LUC7L2: variants seen among roughly 807,000 people sequenced by gnomAD.
The protein encoded by LUC7L2 is LUC7 like 2, pre-mRNA splicing factor.
Under a neutral mutation model 52.8 loss-of-function variants are expected in LUC7L2, and 25 were observed. The ratio of observed to expected loss-of-function variants is 0.47; its 90% confidence interval spans 0.34 to 0.66. The LOEUF (loss-of-function observed/expected upper bound fraction) is 0.66. Ranked by LOEUF, LUC7L2 falls within the 30% of genes least tolerant of loss-of-function variation. The pLI is 0.01. For missense variants in LUC7L2, 328 were observed against 497.8 expected (o/e 0.66, Z 3.25); for synonymous variants, 144 against 160.9 (o/e 0.89, Z 0.80).
In LUC7L2 at chr7:139,374,258, A is replaced by G. The variant is rs568219251; in HGVS notation, c.62-1804A>G. On this transcript the variant is annotated intron_variant, in intron 1 of 9. Coordinates refer to ENST00000354926, the MANE Select transcript of LUC7L2 (RefSeq NM_016019.5). ...TGTTAAGTCAGTATTTAAAAAAATG[A>G]AACACCCTGATTTTGTTCACTTTTG... 1.7e-4 allele frequency: 104 copies of G among 628,048 alleles called. 1 individual carries two copies. In the African/African-American group the frequency reaches 1.7e-3, roughly 10 times the overall value. The allele number at this position is 628,048 out of a possible 1,614,324, so 38.9% of individuals were successfully genotyped here. A position where few individuals can be genotyped will look rare whatever the true frequency, so the allele number is the denominator to read the frequency against.
intron 5 of LUC7L2, among the ~76,000 whole-genome samples, chr7:139,406,291 A>G (rs1795110545): frequency 6.6e-6 from 1 of 150,566 alleles, no homozygotes; most frequent in African/African-American, 2.4e-5. Context: ...ACCTCAGGTG[A>G]TCCACCTGCC....
Position 139,360,151 on chromosome 7 carries a change from G to C in LUC7L2, c.-111G>C. 1 of 745,520 alleles carries C rather than the reference G, an allele frequency of 1.3e-6. No homozygotes were observed. The highest frequency in any genetic ancestry group is 2.1e-6 in the Non-Finnish European group (1 of 472,038). The allele number at this position is 745,520 out of a possible 1,614,324, so 46.2% of individuals were successfully genotyped here. A position where few individuals can be genotyped will look rare whatever the true frequency, so the allele number is the denominator to read the frequency against. On this transcript the variant is annotated 5_prime_UTR_variant, in exon 1 of 10. Transcript: ENST00000354926. ...CCTTTCCGCACGCCTCGAGGCGGCG[G>C]CGGCCACCGAGACAGCAGCGCACCT... is the stretch of plus-strand genomic sequence containing the variant.
chr7:139,419,601 CATT>C (rs1455614615), intron 9 of LUC7L2, among the ~76,000 whole-genome samples: 4 of 152,178 alleles, frequency 2.6e-5, no homozygotes, highest in African/African-American at 4.8e-5. Context: ...GCCCAACTGT[CATT>C]GTTGTTGCTG....
At chr7:139,369,711 A>ATTC (rs397751584) in intron 1 of LUC7L2, among the ~76,000 whole-genome samples, 1 of 152,040 alleles carries the variant, frequency 6.6e-6, no homozygotes, top group African/African-American at 2.4e-5. Context: ...TAAAAACATT[A>ATTC]ATCTTTGATC....
intron 1 of LUC7L2, chr7:139,341,166 T>G: frequency 1.5e-6 from 1 of 679,618 alleles, no homozygotes; most frequent in Non-Finnish European, 2.2e-6. Flanking sequence ...TCCTGGTACC[T>G]TCAGTTAACA....
intron 1 of LUC7L2, among the ~76,000 whole-genome samples, chr7:139,362,219 A>G (rs1374522562): frequency 6.6e-6 from 1 of 152,138 alleles, no homozygotes; most frequent in African/African-American, 2.4e-5. Context: ...TTGGGTTAGA[A>G]GTAAAAAATA....
chr7:139,388,471 A>G (rs746262603), intron 2 of LUC7L2, among the ~76,000 whole-genome samples: 5 of 151,962 alleles, frequency 3.3e-5, no homozygotes, highest in Non-Finnish European at 5.9e-5. Context: ...TCTTCACCCT[A>G]TACTCATGTC....
intron 8 of LUC7L2, among the ~76,000 whole-genome samples, chr7:139,415,060 T>C (rs1374728351): frequency 1.4e-5 from 2 of 142,850 alleles, no homozygotes; most frequent in Non-Finnish European, 3.1e-5. Flanking sequence ...CTAAGTTTTT[T>C]TTTTTTTTTT....
chr7:139,341,521 G>C, intron 1 of LUC7L2: 4 of 1,611,366 alleles, frequency 2.5e-6, no homozygotes, highest in South Asian at 2.2e-5. Context: ...CGTGCACATC[G>C]GGTACGGGAG....
intron 1 of LUC7L2, among the ~76,000 whole-genome samples, chr7:139,350,699 T>C (rs1299113146): frequency 6.6e-6 from 1 of 150,840 alleles, no homozygotes; most frequent in African/African-American, 2.4e-5. Context: ...TTTTTTGAGA[T>C]GGAGTCTCGC....
rs1569399604 is a variant in LUC7L2 at position 139,422,490 on chromosome 7, C to T, written c.*150C>T. 19 of 1,338,036 alleles carry T rather than the reference C, an allele frequency of 1.4e-5. No individual in the cohort carries two copies. The highest frequency in any genetic ancestry group is 1.2e-5 in the Non-Finnish European group (13 of 1,043,340). The allele number at this position is 1,338,036 out of a possible 1,614,324, so 82.9% of individuals were successfully genotyped here. Reference sequence around the variant, plus strand: ...AGTATCTAACTTGATCTGAACTGAACCTGTTTTCCTTGATGATGCCTAAAA... The same window carrying T: ...AGTATCTAACTTGATCTGAACTGAATCTGTTTTCCTTGATGATGCCTAAAA... On this transcript the variant is annotated 3_prime_UTR_variant, in exon 10 of 10. Coordinates refer to ENST00000354926, the MANE Select transcript of LUC7L2 (RefSeq NM_016019.5).
chr7:139,390,885 A>G (rs1256281145), intron 2 of LUC7L2, among the ~76,000 whole-genome samples: 4 of 152,194 alleles, frequency 2.6e-5, no homozygotes, highest in African/African-American at 9.6e-5. Flanking sequence ...GTACAGGAGA[A>G]TAAAGCATAA....
intron 1 of LUC7L2, among the ~76,000 whole-genome samples, chr7:139,351,897 C>T (rs1294701144): frequency 1.3e-5 from 2 of 152,168 alleles, no homozygotes; most frequent in African/African-American, 2.4e-5. Flanking sequence ...GCTACCCTTA[C>T]CTTTTCACTC....
chr7:139,381,374 ATTTTTATTTTAT>A (rs1199932968), intron 2 of LUC7L2, among the ~76,000 whole-genome samples: 7 of 102,722 alleles, frequency 6.8e-5, no homozygotes, highest in East Asian at 3.0e-4. Flanking sequence ...ATTTTATTTT[ATTTTTATTTTAT>A]TTTTTATTTT....
chr7:139,377,833 T>A (rs1458545928), intron 2 of LUC7L2, among the ~76,000 whole-genome samples: 3 of 148,248 alleles, frequency 2.0e-5, no homozygotes, highest in Admixed American at 2.0e-4. Flanking sequence ...GGCTTTTTTT[T>A]TTTTTTTTTT....
chr7:139,396,501 G>T (rs541278771), intron 2 of LUC7L2, among the ~76,000 whole-genome samples: 71 of 152,250 alleles, frequency 4.7e-4, no homozygotes, highest in Admixed American at 1.9e-3. Context: ...GTCCCTTCGG[G>T]CCATAATAAA....
At chr7:139,375,403 C>T (rs1800658005) in intron 1 of LUC7L2, 2 of 985,238 alleles carry the variant, frequency 2.0e-6, no homozygotes, top group African/African-American at 1.7e-5. Flanking sequence ...TTAAAGTTAA[C>T]GTTTCATTAG....
chr7:139,379,554 T>G (rs1345609596), intron 2 of LUC7L2, among the ~76,000 whole-genome samples: 7 of 34,418 alleles, frequency 2.0e-4, no homozygotes, highest in African/African-American at 3.5e-4. Context: ...TAATGCTTTT[T>G]TTTTTTTTTT....
At chr7:139,396,183 G>A in intron 2 of LUC7L2, among the ~76,000 whole-genome samples, 1 of 152,152 alleles carries the variant, frequency 6.6e-6, no homozygotes, top group East Asian at 1.9e-4. Flanking sequence ...GCTCATACCT[G>A]TAATCCAGCA....
Sources: allele counts gnomAD v4.1 joint callset (sites outside exome capture counted in the v4.1 genomes callset), GRCh38; gene constraint gnomAD v4.1.1; transcripts MANE v1.5; gene names NCBI Gene and HGNC (gene_info 2026-07-23, HGNC 2026-07-21).